The following OARD1 variants were observed in gnomAD, a reference collection of about 807,000 sequenced individuals.
The protein encoded by OARD1 is ADP-ribose glycohydrolase OARD1.
A neutral mutation model predicts 19.7 loss-of-function variants in OARD1; 19 were observed. That is an observed-to-expected ratio of 0.96 (90% CI 0.67 to 1.41). The LOEUF (loss-of-function observed/expected upper bound fraction) is 1.41. OARD1 is among the 40% of genes most tolerant of loss of function. The pLI is 0.00. For missense variants in OARD1, 190 were observed against 183.8 expected, an observed-to-expected ratio of 1.03 and a Z score of -0.20; for synonymous variants, 70 against 61.8, an observed-to-expected ratio of 1.13 and a Z score of -0.62.
intron 1 of OARD1, among the ~76,000 whole-genome samples, chr6:41,086,053 T>C (rs1347752877): frequency 6.6e-6 from 1 of 152,248 alleles, no homozygotes; most frequent in African/African-American, 2.4e-5. Flanking sequence ...TTAAATATCT[T>C]TTCAGCATGT....
At chr6:41,086,606 A>C (rs1224497280) in intron 1 of OARD1, among the ~76,000 whole-genome samples, 2 of 152,128 alleles carry the variant, frequency 1.3e-5, no homozygotes, top group Non-Finnish European at 2.9e-5. Context: ...TCTATTTTAG[A>C]ATCCTAGTAA....
At chr6:41,085,188 A>C (rs1238187581) in intron 1 of OARD1, among the ~76,000 whole-genome samples, 1 of 152,236 alleles carries the variant, frequency 6.6e-6, no homozygotes, top group African/African-American at 2.4e-5. Context: ...AATACAATGA[A>C]TATTTGAGCT....
At chr6:41,092,670 G>A (rs1764227373) in intron 1 of OARD1, among the ~76,000 whole-genome samples, 1 of 152,120 alleles carries the variant, frequency 6.6e-6, no homozygotes, top group African/African-American at 2.4e-5. Flanking sequence ...ACATGAATTA[G>A]GGCATGGTTA....
intron 5 of OARD1, 107 bp downstream of exon 5, chr6:41,068,734 C>A: frequency 1.5e-6 from 1 of 667,506 alleles, no homozygotes; most frequent in Non-Finnish European, 2.4e-6. Context: ...TTTTGTCCAC[C>A]TTTAAATCTA....
intron 1 of OARD1, chr6:41,079,260 G>C: frequency 2.6e-6 from 3 of 1,160,326 alleles, no homozygotes; most frequent in Non-Finnish European, 3.8e-6. Context: ...TTATTTGAAA[G>C]ATACCAGATC....
At chr6:41,087,535 T>C (rs1464778684) in intron 1 of OARD1, among the ~76,000 whole-genome samples, 3 of 152,206 alleles carry the variant, frequency 2.0e-5, no homozygotes, top group Admixed American at 1.3e-4. Context: ...CTGCCATCTA[T>C]GTTGAAGCAA....
In OARD1 at chr6:41,067,396, G is replaced by A. The variant is rs1046023373; in HGVS notation, c.398C>T (p.Ser133Phe). ...GLDRLQWENV[S>F]AMIEEVFEAT... ...CTCAAATACCTCCTCGATCATCGCA[G>A]ATACATTTTCCCATTGCAGACGATC... Residue 133 changes from serine to phenylalanine, a missense_variant, in exon 6 of 6, where the codon TCT becomes TTT. Coordinates refer to ENST00000424266, the MANE Select transcript of OARD1 (RefSeq NM_001329686.2). 6.2e-7 allele frequency: 1 copy of A among 1,613,730 alleles called. No homozygotes were observed. The highest frequency in any genetic ancestry group is 8.5e-7 in the Non-Finnish European group (1 of 1,179,646).
At chr6:41,074,281 G>A (rs1395629659), upstream of OARD1, among the ~76,000 whole-genome samples, 5 of 152,332 alleles carry the variant, frequency 3.3e-5, no homozygotes, top group East Asian at 9.6e-4. Context: ...CTTAGGGTGA[G>A]AGGTTGCTGT....
In OARD1 at chr6:41,066,277, C is replaced by A. The variant is rs1441593787; in HGVS notation, c.*1058G>T. 1 of 152,106 alleles carries A rather than the reference C, an allele frequency of 6.6e-6. No homozygotes were observed. Among genetic ancestry groups the A allele is most frequent in the Non-Finnish European group, 1.5e-5 (1 of 68,022 alleles). 9.4% of individuals were successfully genotyped at this position (152,106 alleles called of 1,614,324 possible). A position where few individuals can be genotyped will look rare whatever the true frequency, so the allele number is the denominator to read the frequency against. ...GAGTAGCTGGAACTACAGGCCTGCA[C>A]CACCAGGCCCAGCTAATTTTTAATT... On this transcript the variant is annotated 3_prime_UTR_variant, in exon 6 of 6. Transcript: ENST00000424266.
Position 41,067,350 on chromosome 6 carries a change from A to G in OARD1, c.444T>C (p.Thr148=). 6.2e-7 allele frequency: 1 copy of G among 1,608,902 alleles called. No individual in the cohort carries two copies. Among genetic ancestry groups the G allele is most frequent in the Non-Finnish European group, 8.5e-7 (1 of 1,175,314 alleles). ...EVFEATDIKI[T]VYTL ...GTTCACTGGTTCAGAGTGTGTACACAGTAATTTTGATGTCTGTTGCCTCAA... is the reference window on the plus strand; with the variant it reads ...GTTCACTGGTTCAGAGTGTGTACACGGTAATTTTGATGTCTGTTGCCTCAA... Residue 148 remains threonine (T), a synonymous_variant, in exon 6 of 6, where the codon ACT becomes ACC. Coordinates refer to ENST00000424266, the MANE Select transcript of OARD1 (RefSeq NM_001329686.2).
At chr6:41,079,220 C>T (rs778615190) in intron 1 of OARD1, 153 of 1,522,514 alleles carry the variant, frequency 1.0e-4, no homozygotes, top group Middle Eastern at 1.7e-4. Flanking sequence ...AACAGCACCA[C>T]TCAATTGGTT....
At chr6:41,069,953 T>C in intron 4 of OARD1, 123 bp downstream of exon 4, 1 of 768,924 alleles carries the variant, frequency 1.3e-6, no homozygotes, top group Non-Finnish European at 2.4e-6. Flanking sequence ...CTTTTTGACA[T>C]TCTTAGTTGT....
rs1447329373 is a variant in OARD1 at position 41,084,140 on chromosome 6, A to G, written c.-41-12465T>C. On this transcript the variant is annotated intron_variant, in intron 1 of 4. Transcript: ENST00000480585. The stretch of plus-strand genomic sequence containing the variant: ...ATGGTCCAGGCTGTCCCTGGTGGAC[A>G]AGGTCAAACCATCATGCAAGTACCT... 3.7e-6 allele frequency: 6 copies of G among 1,614,194 alleles called. No homozygotes were observed. The Admixed American group carries it at 5.0e-5, about 13-fold the overall frequency.
upstream of OARD1, chr6:41,072,886 C>T (rs187934729): frequency 6.5e-6 from 1 of 153,348 alleles, no homozygotes; most frequent in East Asian, 1.9e-4. Flanking sequence ...GATCCCTGAA[C>T]TGGAGTTAGT....
At chr6:41,083,727 A>G (rs556725172) in intron 1 of OARD1, among the ~76,000 whole-genome samples, 4 of 152,186 alleles carry the variant, frequency 2.6e-5, no homozygotes, top group Admixed American at 1.3e-4. Flanking sequence ...TAAACAGGCA[A>G]CTAACCTTGC....
intron 1 of OARD1, among the ~76,000 whole-genome samples, chr6:41,094,837 G>A (rs1259094660): frequency 6.6e-6 from 1 of 152,150 alleles, no homozygotes; most frequent in Admixed American, 6.5e-5. Flanking sequence ...TACTTGGAGG[G>A]TTGAGATGCT....
chr6:41,093,589 G>A lies in OARD1; in HGVS notation c.-42+4124C>T, dbSNP rs1466860678. Among the ~76,000 whole-genome samples, 7 of 151,864 alleles carry A rather than the reference G, an allele frequency of 4.6e-5. No individual in the cohort carries two copies. The East Asian group carries it at 9.7e-4, about 21-fold the overall frequency. On this transcript the variant is annotated intron_variant, in intron 1 of 4. Coordinates refer to the OARD1 transcript ENST00000480585. ...ATGTTCAAGTGATTCTCCTGCCTCA[G>A]CCTCCTGAGTAGCTGGGATTACAGG...
intron 2 of OARD1, 76 bp from the exon 3 acceptor site, chr6:41,071,352 G>C: frequency 7.0e-7 from 1 of 1,436,806 alleles, no homozygotes; most frequent in Non-Finnish European, 9.7e-7. Flanking sequence ...TGTATTTTGT[G>C]TCCCCCACGA....
At chr6:41,075,876 T>A (rs532245736), upstream of OARD1, among the ~76,000 whole-genome samples, 1 of 152,330 alleles carries the variant, frequency 6.6e-6, no homozygotes, top group South Asian at 2.1e-4. Flanking sequence ...AGTTTGAATC[T>A]TCGTCAGAGA....
Sources: gnomAD v4.1 joint callset for allele counts (sites outside exome capture counted in the v4.1 genomes callset) on GRCh38, gnomAD v4.1.1 for gene constraint, MANE v1.5 for transcripts, NCBI Gene and HGNC (gene_info 2026-07-23, HGNC 2026-07-21) for gene names.